Variants in RNF213 observed in about 807,000 individuals in gnomAD.
RNF213 encodes the protein ring finger protein 213, also known as E3 ubiquitin-protein ligase RNF213.
A neutral mutation model predicts 514.4 loss-of-function variants in RNF213; 341 were observed. That is an observed-to-expected ratio of 0.66 (90% confidence interval 0.61 to 0.73). The LOEUF (loss-of-function observed/expected upper bound fraction) is 0.73. RNF213 is among the 30% of genes least tolerant of loss of function. RNF213 has a pLI of 0.00. For missense variants in RNF213, 5,767 were observed against 6,615.6 expected (o/e 0.87, Z 4.45); for synonymous variants, 2,655 against 2,658.2 (o/e 1.00, Z 0.04).
At chr17:80,385,505 C>T in intron 60 of RNF213, 33 bp from the exon 61 acceptor site, 1 of 1,598,848 alleles carries the variant, frequency 6.3e-7, no homozygotes, top group Non-Finnish European at 8.6e-7. Flanking sequence ...GGGTTGCTAT[C>T]ATACGGTTCT....
Position 80,340,242 on chromosome 17 carries a change from A to G in RNF213, c.5875A>G (p.Ile1959Val), listed in dbSNP as rs919667606. The change falls in exon 26 of 68, where the codon ATC (isoleucine) becomes GTC (valine). Residue 1959 changes from isoleucine to valine, a missense_variant. By Grantham distance (29) the Ile-to-Val change is conservative. Around this residue, in one of 13 missense-constraint regions of RNF213, gnomAD observed 1,377 missense variants for 1,635.2 expected, o/e 0.84. Coordinates refer to ENST00000582970, the MANE Select transcript of RNF213 (RefSeq NM_001256071.3). The stretch of plus-strand genomic sequence containing the variant: ...CACCCCCCAGGCACCCCTCGAGGCC[A>G]TCCAAGCCTACCTGGCAGGTCACTA... ...FVTPQAPLEAIQAYLAGHYRV... is the reference protein window; with the variant it reads ...FVTPQAPLEAVQAYLAGHYRV... 4 of 1,613,986 alleles carry G rather than the reference A, an allele frequency of 2.5e-6. No homozygotes were observed. Among genetic ancestry groups the G allele is most frequent in the Non-Finnish European group, 3.4e-6 (4 of 1,180,028 alleles).
Position 80,291,841 on chromosome 17 carries a change from G to T in RNF213, c.1471+14G>T. Reference sequence around the variant, plus strand: ...TGGGCTCAGGAGGTAAGTCGTGGCAGCAGGCTGTCTGCTCACCCCTCCGGA... The same window carrying T: ...TGGGCTCAGGAGGTAAGTCGTGGCATCAGGCTGTCTGCTCACCCCTCCGGA... On this transcript the variant is annotated intron_variant, in intron 8 of 67. Coordinates refer to ENST00000582970, the MANE Select transcript of RNF213 (RefSeq NM_001256071.3). The T allele has an allele frequency of 6.2e-7, 1 of 1,613,962 alleles. No homozygotes were observed. The highest frequency in any genetic ancestry group is 8.5e-7 in the Non-Finnish European group (1 of 1,179,978).
chr17:80,277,995 C>T (rs898495766), intron 3 of RNF213, among the ~76,000 whole-genome samples: 1 of 152,228 alleles, frequency 6.6e-6, no homozygotes, highest in Non-Finnish European at 1.5e-5. Flanking sequence ...GCACAGCCAT[C>T]CTCCACTTGG....
intron 11 of RNF213, among the ~76,000 whole-genome samples, chr17:80,300,900 T>C (rs2045154038): frequency 7.6e-6 from 1 of 132,094 alleles, no homozygotes; most frequent in African/African-American, 2.7e-5. Context: ...GATGTTGAGC[T>C]TTTTTTCATA....
At chr17:80,370,085 A>C (rs1228502208) in intron 46 of RNF213, among the ~76,000 whole-genome samples, 4 of 152,216 alleles carry the variant, frequency 2.6e-5, no homozygotes, top group Non-Finnish European at 4.4e-5. Flanking sequence ...ACACGCATCT[A>C]GCAAGAAGCC....
Position 80,398,573 on chromosome 17 carries a change from A to T in RNF213, c.*5075A>T, listed in dbSNP as rs2080705470. On this transcript the variant is annotated 3_prime_UTR_variant, in exon 68 of 68. Coordinates refer to ENST00000582970, the MANE Select transcript of RNF213 (RefSeq NM_001256071.3). The stretch of plus-strand genomic sequence containing the variant: ...TACCCACACCAGTTCCCGTACACAG[A>T]CACTTGGTTACAGCTGGTTTTAGAC... 6.6e-6 allele frequency: 1 copy of T among 152,146 alleles called. No individual in the cohort carries two copies. The highest frequency in any genetic ancestry group is 2.1e-4 in the South Asian group (1 of 4,830). The allele number at this position is 152,146 out of a possible 1,614,324, so 9.4% of individuals were successfully genotyped here. A position where few individuals can be genotyped will look rare whatever the true frequency, so the allele number is the denominator to read the frequency against.
Position 80,295,415 on chromosome 17 carries a change from A to G in RNF213, c.1756-142A>G, listed in dbSNP as rs931261153. On this transcript the variant is annotated intron_variant, in intron 9 of 67. Coordinates refer to ENST00000582970, the MANE Select transcript of RNF213 (RefSeq NM_001256071.3). Reference sequence around the variant, plus strand: ...CATGCCAGGGTCTTGGCTGCACTGCAGCTCCTCCTGTGGCTCTCACAGGTG... The same window carrying G: ...CATGCCAGGGTCTTGGCTGCACTGCGGCTCCTCCTGTGGCTCTCACAGGTG... 1.6e-5 allele frequency: 17 copies of G among 1,054,336 alleles called. No individual in the cohort carries two copies. The East Asian group carries it at 2.0e-4, about 13-fold the overall frequency. The allele number at this position is 1,054,336 out of a possible 1,614,324, so 65.3% of individuals were successfully genotyped here.
intron 55 of RNF213, among the ~76,000 whole-genome samples, chr17:80,380,537 T>C (rs886555061): frequency 9.9e-5 from 15 of 152,166 alleles, no homozygotes; most frequent in African/African-American, 3.6e-4. Flanking sequence ...TGACAAAGAC[T>C]TCAGTGGAAA....
At chr17:80,336,067 T>G in intron 22 of RNF213, 94 bp from the exon 23 acceptor site, 1 of 971,804 alleles carries the variant, frequency 1.0e-6, no homozygotes, top group South Asian at 1.6e-5. Context: ...TCATGAAATA[T>G]CCATTTCAGC....
intron 35 of RNF213, 78 bp from the exon 36 acceptor site, chr17:80,354,363 G>A: frequency 1.2e-6 from 2 of 1,607,412 alleles, no homozygotes. Context: ...CCCTTCCTGG[G>A]GGAGGTGGGA....
chr17:80,354,360 T>TG (rs1261139369), intron 35 of RNF213, 81 bp from the exon 36 acceptor site: 1 of 1,605,566 alleles, frequency 6.2e-7, no homozygotes, highest in Non-Finnish European at 8.5e-7. Context: ...CTTCCCTTCC[T>TG]GGGGGAGGTG....
At chr17:80,316,317 T>C (rs181931090) in intron 15 of RNF213, 2 of 152,330 alleles carry the variant, frequency 1.3e-5, no homozygotes, top group African/African-American at 2.4e-5. Flanking sequence ...GCCAAAAATA[T>C]TTTAATCTGA....
intron 64 of RNF213, chr17:80,388,905 G>A: frequency 1.6e-6 from 1 of 629,626 alleles, no homozygotes. Context: ...TCTTAGGAAT[G>A]ATGTTGATGC....
chr17:80,369,213 A>G (rs76451336), intron 44 of RNF213, among the ~76,000 whole-genome samples: 2,642 of 152,242 alleles, frequency 0.017, 36 homozygotes, highest in Middle Eastern at 0.051. Context: ...AGCCTGGCCA[A>G]CACGGTGAAA....
rs2078257723 is a variant in RNF213 at position 80,344,833 on chromosome 17, A to G, written c.6498A>G (p.Arg2166=). The change falls in exon 29 of 68, where the codon AGA becomes AGG. Residue 2166 remains arginine, a synonymous_variant. Transcript: ENST00000582970. ...AGTTCTGCAGCGAAACTTTCCAAAGACCTTACCAGTATTTAAGACGATTCA... is the reference window on the plus strand; with the variant it reads ...AGTTCTGCAGCGAAACTTTCCAAAGGCCTTACCAGTATTTAAGACGATTCA... ...LWEFCSETFQ[R]PYQYLRRFNQ... is the part of the protein sequence containing the mutation. The G allele has an allele frequency of 2.5e-6, 4 of 1,614,126 alleles. No homozygotes were observed. The highest frequency in any genetic ancestry group is 3.4e-6 in the Non-Finnish European group (4 of 1,180,038).
chr17:80,272,686 A>G (rs946406518), intron 2 of RNF213, among the ~76,000 whole-genome samples: 2 of 152,178 alleles, frequency 1.3e-5, no homozygotes, highest in African/African-American at 4.8e-5. Context: ...TCCACACCAC[A>G]ATGAAGGCTA....
At chr17:80,348,310 C>T in intron 29 of RNF213, 24 bp downstream of exon 29, 1 of 1,606,366 alleles carries the variant, frequency 6.2e-7, no homozygotes, top group Non-Finnish European at 8.5e-7. Flanking sequence ...TGCACTTGTA[C>T]CCTATCCCCT....
intron 44 of RNF213, among the ~76,000 whole-genome samples, 188 bp from the exon 45 acceptor site, chr17:80,369,314 C>G (rs1158254121): frequency 6.6e-6 from 1 of 151,316 alleles, no homozygotes; most frequent in Non-Finnish European, 1.5e-5. Context: ...AGGAGGATCA[C>G]TTGAACCTGG....
chr17:80,279,565 A>G (rs1205947014), intron 3 of RNF213, among the ~76,000 whole-genome samples: 1 of 151,918 alleles, frequency 6.6e-6, no homozygotes, highest in African/African-American at 2.4e-5. Flanking sequence ...GCAGGGTTCA[A>G]GCGATTCTCC....
Sources: allele counts gnomAD v4.1 joint callset (sites outside exome capture counted in the v4.1 genomes callset), GRCh38; gene constraint gnomAD v4.1.1; regional missense constraint gnomAD v4.1.1; transcripts MANE v1.5; gene names NCBI Gene and HGNC (gene_info 2026-07-23, HGNC 2026-07-21).